Variants in MRC1 observed in about 807,000 individuals in gnomAD.
MRC1 encodes macrophage mannose receptor 1.
A neutral mutation model predicts 102.9 loss-of-function variants in MRC1; 62 were observed. The observed-to-expected ratio is 0.60, with a 90% CI of 0.49 to 0.74. The LOEUF (loss-of-function observed/expected upper bound fraction) is 0.74. Among genes scored for constraint, MRC1 ranks in the 30% least tolerant of loss-of-function variants. The pLI, the probability that MRC1 is intolerant of heterozygous loss-of-function variation, is 0.00. For synonymous variants in MRC1, 457 were observed against 298.4 expected (o/e 1.53, Z -5.48); for missense variants, 1,237 against 862.8 (o/e 1.43, Z -5.43).
At chr10:17,876,124 T>G (rs2130684000) in intron 17 of MRC1, among the ~76,000 whole-genome samples, 1 of 152,316 alleles carries the variant, frequency 6.6e-6, no homozygotes, top group East Asian at 1.9e-4. Context: ...TTTCTAATTA[T>G]GTGCTGAATT....
chr10:17,823,149 C>A lies in MRC1; in HGVS notation c.137C>A (p.Thr46Asn), dbSNP rs1554838381. The A allele has an allele frequency of 7.7e-6, 6 of 780,880 alleles. No homozygotes were observed. The East Asian group carries it at 1.5e-4, about 19-fold the overall frequency. The allele number at this position is 780,880 out of a possible 1,614,324, so 48.4% of individuals were successfully genotyped here. A position where few individuals can be genotyped will look rare whatever the true frequency, so the allele number is the denominator to read the frequency against. Residue 46 changes from threonine to asparagine, a missense_variant, in exon 2 of 30, where the codon ACC (threonine) becomes AAC (asparagine). Coordinates refer to ENST00000569591, the MANE Select transcript of MRC1 (RefSeq NM_002438.4). ...VDAVSPSAVQTAACNQDAESQ... is the reference protein window; with the variant it reads ...VDAVSPSAVQNAACNQDAESQ... Reference sequence around the variant, plus strand: ...GCAGTGAGTCCCAGTGCCGTCCAAACCGCAGCTTGCAACCAGGATGCCGAA... The same window carrying A: ...GCAGTGAGTCCCAGTGCCGTCCAAAACGCAGCTTGCAACCAGGATGCCGAA...
intron 5 of MRC1, among the ~76,000 whole-genome samples, chr10:17,844,610 G>T (rs1443049294): frequency 6.6e-6 from 1 of 152,170 alleles, no homozygotes; most frequent in African/African-American, 2.4e-5. Context: ...CATGTACACG[G>T]TTGTTACATA....
Position 17,881,142 on chromosome 10 carries a change from G to A in MRC1, c.2941G>A (p.Gly981Arg). 3.8e-6 allele frequency: 3 copies of A among 780,786 alleles called. No homozygotes were observed. The highest frequency in any genetic ancestry group is 4.8e-6 in the Non-Finnish European group (2 of 417,934). 48.4% of individuals were successfully genotyped at this position (780,786 alleles called of 1,614,324 possible). Reference sequence around the variant, plus strand: ...GGCACGAAAAGCTTGTATAGGCTTTGGAGGGAATCTGGTCTCCATACAAAA... The same window carrying A: ...GGCACGAAAAGCTTGTATAGGCTTTAGAGGGAATCTGGTCTCCATACAAAA... ...QEARKACIGFGGNLVSIQNEK... is the reference protein window; with the variant it reads ...QEARKACIGFRGNLVSIQNEK... The change falls in exon 21 of 30, where the codon GGA becomes AGA. Residue 981 changes from glycine (G) to arginine (R), a missense_variant. By Grantham distance (125) the Gly-to-Arg change is moderately radical. Coordinates refer to ENST00000569591, the MANE Select transcript of MRC1 (RefSeq NM_002438.4).
intron 22 of MRC1, among the ~76,000 whole-genome samples, chr10:17,885,874 G>C (rs1027422705): frequency 4.6e-5 from 7 of 151,450 alleles, no homozygotes; most frequent in South Asian, 2.1e-4. Context: ...AATATTTGTA[G>C]ACTGCTTATT....
chr10:17,837,744 G>C (rs1838690465), intron 4 of MRC1, among the ~76,000 whole-genome samples: 1 of 151,894 alleles, frequency 6.6e-6, no homozygotes, highest in Non-Finnish European at 1.5e-5. Flanking sequence ...GGGGCTACAG[G>C]CATGTGCCAC....
At chr10:17,861,293 A>G in intron 9 of MRC1, 94 bp from the exon 10 acceptor site, 1 of 641,536 alleles carries the variant, frequency 1.6e-6, no homozygotes, top group Non-Finnish European at 2.8e-6. Context: ...AGCCTGGGCG[A>G]CAAGAGCAAA....
intron 7 of MRC1, among the ~76,000 whole-genome samples, chr10:17,852,030 G>T (rs1838925086): frequency 6.6e-6 from 1 of 152,066 alleles, no homozygotes; most frequent in Non-Finnish European, 1.5e-5. Context: ...GGGACTCCCA[G>T]TCGTGTGAAT....
At chr10:17,855,688 G>C (rs1589180234) in intron 8 of MRC1, among the ~76,000 whole-genome samples, 1 of 151,488 alleles carries the variant, frequency 6.6e-6, no homozygotes, top group East Asian at 1.9e-4. Context: ...ACAATGGCTT[G>C]GACATCTCAG....
chr10:17,888,306 T>C (rs2130701877), intron 22 of MRC1, among the ~76,000 whole-genome samples: 1 of 152,286 alleles, frequency 6.6e-6, no homozygotes, highest in Admixed American at 6.5e-5. Flanking sequence ...AGTGGAGAAC[T>C]TTTGAAATGT....
intron 1 of MRC1, among the ~76,000 whole-genome samples, chr10:17,815,833 C>T (rs1838302175): frequency 1.4e-5 from 2 of 144,902 alleles, no homozygotes; most frequent in Non-Finnish European, 1.5e-5. Context: ...TTTTTCTTTT[C>T]TTTTTTTTTT....
intron 5 of MRC1, among the ~76,000 whole-genome samples, chr10:17,843,336 T>A (rs1003860830): frequency 2.0e-5 from 3 of 152,070 alleles, no homozygotes; most frequent in Non-Finnish European, 4.4e-5. Flanking sequence ...TTATGCTTAT[T>A]ACTAACTTTA....
chr10:17,858,953 A>G (rs1168991320), intron 9 of MRC1, among the ~76,000 whole-genome samples: 3 of 152,254 alleles, frequency 2.0e-5, no homozygotes, highest in African/African-American at 7.2e-5. Context: ...TCTATTGTCT[A>G]TGCTTTCTGT....
At chr10:17,877,185 T>A (rs1400907920) in intron 17 of MRC1, among the ~76,000 whole-genome samples, 1 of 148,802 alleles carries the variant, frequency 6.7e-6, no homozygotes, top group Non-Finnish European at 1.5e-5. Flanking sequence ...AATACACATG[T>A]TCTCCCAAGT....
intron 4 of MRC1, among the ~76,000 whole-genome samples, chr10:17,834,870 C>T (rs1426012193): frequency 1.3e-5 from 2 of 152,154 alleles, no homozygotes; most frequent in Non-Finnish European, 2.9e-5. Flanking sequence ...GCAAAAGCAT[C>T]CCCGATTTCT....
intron 5 of MRC1, 58 bp downstream of exon 5, chr10:17,840,864 G>A (rs1423946217): frequency 1.8e-5 from 14 of 780,080 alleles, no homozygotes; most frequent in African/African-American, 3.4e-5. Context: ...TAGACGCCCC[G>A]AAGACGTTTA....
intron 7 of MRC1, 49 bp downstream of exon 7, chr10:17,849,813 C>A: frequency 1.4e-6 from 1 of 734,416 alleles, no homozygotes; most frequent in South Asian, 1.5e-5. Flanking sequence ...CCTGGGAGCA[C>A]CCCTTTCTAC....
Position 17,831,870 on chromosome 10 carries a change from C to T in MRC1, c.638-1805C>T, listed in dbSNP as rs1388510749. On this transcript the variant is annotated intron_variant, in intron 3 of 29. Coordinates refer to ENST00000569591, the MANE Select transcript of MRC1 (RefSeq NM_002438.4). ...TAATATTTATTTGTATATCATTGGC[C>T]GCTTACAGAGTACAACCAGGTTTAT... Among the ~76,000 whole-genome samples, 4 of 151,440 alleles carry T rather than the reference C, an allele frequency of 2.6e-5. 1 individual carries two copies. The highest frequency in any genetic ancestry group is 9.8e-5 in the African/African-American group (4 of 40,774).
chr10:17,847,688 A>G (rs928120303), intron 6 of MRC1, among the ~76,000 whole-genome samples: 2 of 152,238 alleles, frequency 1.3e-5, no homozygotes, highest in Non-Finnish European at 2.9e-5. Flanking sequence ...GTGGCCACTG[A>G]GCACATGAGC....
intron 26 of MRC1, among the ~76,000 whole-genome samples, chr10:17,904,050 G>A (rs1833865246): frequency 6.6e-6 from 1 of 152,080 alleles, no homozygotes; most frequent in South Asian, 2.1e-4. Context: ...CATTCCCTCT[G>A]CCTTCCTCTG....
Sources: allele counts gnomAD v4.1 joint callset (sites outside exome capture counted in the v4.1 genomes callset), GRCh38; gene constraint gnomAD v4.1.1; transcripts MANE v1.5; gene names NCBI Gene and HGNC (gene_info 2026-07-23, HGNC 2026-07-21).